Variants in KCNH4 observed in about 807,000 individuals in gnomAD.
KCNH4 encodes the protein potassium voltage-gated channel subfamily H member 4.
KCNH4 carries 33 observed loss-of-function variants against 90.7 expected under a neutral mutation model. The observed-to-expected ratio is 0.36, with a 90% confidence interval of 0.28 to 0.49. The LOEUF (loss-of-function observed/expected upper bound fraction) is 0.49. KCNH4 is among the 20% of genes least tolerant of loss of function. The pLI is 0.98. For missense variants in KCNH4, 1,044 were observed against 1,387.1 expected (o/e 0.75, Z 3.93); for synonymous variants, 551 against 581.7 (o/e 0.95, Z 0.76).
chr17:42,171,539 G>A lies in KCNH4; in HGVS notation c.1195+249C>T, dbSNP rs191291914. ...CCTCCACCCTCAGAGTGTTTCCTGC[G>A]TTGTACTTTGATCACTATCACTGGT... is the stretch of plus-strand genomic sequence containing the variant. On this transcript the variant is annotated intron_variant, in intron 7 of 16. Transcript: ENST00000264661. Among the ~76,000 whole-genome samples, 1,155 of 152,142 alleles carry A rather than the reference G, an allele frequency of 7.6e-3. 9 individuals carry two copies. The highest frequency in any genetic ancestry group is 7.9e-3 in the South Asian group (38 of 4,816).
intron 5 of KCNH4, 91 bp from the exon 6 acceptor site, chr17:42,175,827 G>A: frequency 6.7e-7 from 1 of 1,495,602 alleles, no homozygotes; most frequent in Non-Finnish European, 9.2e-7. Flanking sequence ...ACTGGAGGAG[G>A]AGGCAGGCAT....
chr17:42,176,368 A>AG, intron 4 of KCNH4, 71 bp from the exon 5 acceptor site: 1 of 1,153,900 alleles, frequency 8.7e-7, no homozygotes, highest in Middle Eastern at 2.4e-4. Context: ...TGGGAAAGGC[A>AG]GGGGATGGGG....
intron 7 of KCNH4, among the ~76,000 whole-genome samples, chr17:42,171,464 A>C (rs562476749): frequency 6.6e-6 from 1 of 152,098 alleles, no homozygotes; most frequent in South Asian, 2.1e-4. Context: ...AGAGATGCTA[A>C]GCTCTTTCTG....
Position 42,181,045 on chromosome 17 carries a change from C to T in KCNH4, c.-100G>A. On this transcript the variant is annotated 5_prime_UTR_variant, in exon 1 of 17. Transcript: ENST00000264661. ...GGAGGGGCCGGGGCGCCCCATGCGC[C>T]CTCCTGCCTCCTCCCCTCCCTCTTA... 1 of 956,622 alleles carries T rather than the reference C, an allele frequency of 1.0e-6. No individual in the cohort carries two copies. The allele number at this position is 956,622 out of a possible 1,614,324, so 59.3% of individuals were successfully genotyped here. A position where few individuals can be genotyped will look rare whatever the true frequency, so the allele number is the denominator to read the frequency against.
rs907729924 is a variant in KCNH4, at chr17:42,162,236, G to C, written c.2658+12C>G. On this transcript the variant is annotated intron_variant, in intron 15 of 16. Coordinates refer to ENST00000264661, the MANE Select transcript of KCNH4 (RefSeq NM_012285.3). ...TTATATCAGGCACGTCTCTGAGCCA[G>C]CCCCAACCCACCTCCTGGTTCAGCC... is the stretch of plus-strand genomic sequence containing the variant. 6.2e-7 allele frequency: 1 copy of C among 1,613,270 alleles called. No homozygotes were observed. Among genetic ancestry groups the C allele is most frequent in the Middle Eastern group, 1.7e-4 (1 of 6,060 alleles).
chr17:42,170,317 A>G lies in KCNH4; in HGVS notation c.1196-16T>C. On this transcript the variant is annotated splice_polypyrimidine_tract_variant and intron_variant, in intron 7 of 16. Transcript: ENST00000264661. ...TGCAACCAGCCTGCAGGGTGGACGG[A>G]TGCAGGGAGCCCTGGCTGTGCCAGC... 1 of 1,569,138 alleles carries G rather than the reference A, an allele frequency of 6.4e-7. No individual in the cohort carries two copies. The highest frequency in any genetic ancestry group is 8.6e-7 in the Non-Finnish European group (1 of 1,162,212).
chr17:42,177,126 C>T (rs552995311), intron 4 of KCNH4, among the ~76,000 whole-genome samples: 10 of 152,014 alleles, frequency 6.6e-5, no homozygotes, highest in African/African-American at 2.2e-4. Context: ...CTCGGCTCAC[C>T]GCAACCTCCA....
intron 15 of KCNH4, among the ~76,000 whole-genome samples, chr17:42,160,932 T>G (rs1320396185): frequency 7.2e-6 from 1 of 138,338 alleles, no homozygotes; most frequent in African/African-American, 2.7e-5. Flanking sequence ...TTTTTTTTTT[T>G]TTTTTTTTTT....
intron 6 of KCNH4, 67 bp downstream of exon 6, chr17:42,175,512 C>G: frequency 6.3e-7 from 1 of 1,583,196 alleles, no homozygotes; most frequent in Admixed American, 1.7e-5. Flanking sequence ...TGGGGTCAGT[C>G]CCTTCCTGGA....
chr17:42,164,930 A>G (rs2079776232), intron 11 of KCNH4, among the ~76,000 whole-genome samples: 1 of 152,090 alleles, frequency 6.6e-6, no homozygotes, highest in Admixed American at 6.5e-5. Context: ...ACATGGTGAA[A>G]CGCTATCTCT....
At chr17:42,161,253 G>A (rs974135642) in intron 15 of KCNH4, among the ~76,000 whole-genome samples, 4 of 152,198 alleles carry the variant, frequency 2.6e-5, no homozygotes, top group African/African-American at 9.7e-5. Context: ...ACAGATACTT[G>A]TTTGGGAACC....
At chr17:42,158,830 G>A (rs888001871) in intron 16 of KCNH4, among the ~76,000 whole-genome samples, 7 of 150,296 alleles carry the variant, frequency 4.7e-5, no homozygotes, top group African/African-American at 1.2e-4. Context: ...GTGAGACTCC[G>A]TCTATAAAAA....
Position 42,163,106 on chromosome 17 carries a change from GT to G in KCNH4, c.2584+121del. ...TACTCCAAGAGCGTGGGCCAGGTCT[GT>G]TTTATCTGTGTATTCCCAGGATGGC... On this transcript the variant is annotated intron_variant, in intron 14 of 16. Transcript: ENST00000264661. This position sits in a 1 kb window ranked among gnomAD's most constrained non-coding sequence, Gnocchi z 5.4. The G allele has an allele frequency of 1.4e-6, 1 of 733,922 alleles. No homozygotes were observed. The highest frequency in any genetic ancestry group is 2.5e-6 in the Non-Finnish European group (1 of 405,262). The allele number at this position is 733,922 out of a possible 1,614,324, so 45.5% of individuals were successfully genotyped here.
chr17:42,170,217 A>C lies in KCNH4; in HGVS notation c.1280T>G (p.Ile427Ser). 1.2e-6 allele frequency: 2 copies of C among 1,612,368 alleles called. No individual in the cohort carries two copies. The highest frequency in any genetic ancestry group is 1.7e-6 in the Non-Finnish European group (2 of 1,179,926). ...VGGPSRRSAY[I>S]AALYFTLSSL... ...GCTTAGAGTGAAGTACAGTGCCGCG[A>C]TGTAGGCGCTGCGCCGTGATGGGCC... is the stretch of plus-strand genomic sequence containing the variant. The change falls in exon 8 of 17, where the codon ATC becomes AGC. Residue 427 changes from isoleucine to serine, a missense_variant. Transcript: ENST00000264661.
chr17:42,171,911 T>C lies in KCNH4; in HGVS notation c.1072A>G (p.Ser358Gly). Residue 358 changes from serine (S) to glycine (G), a missense_variant, in exon 7 of 17, where the codon AGT (serine) becomes GGT (glycine). By Grantham distance (56) the Ser-to-Gly change is moderately conservative. This residue lies in a region of KCNH4 where 318 missense variants were observed against 479.6 expected (regional missense o/e 0.66). Transcript: ENST00000264661. The part of the protein sequence containing the change: ...LQKLERYSQC[S>G]AVVLTLLMSV... Reference sequence around the variant, plus strand: ...ATGAGCAGCGTGAGCACCACAGCACTGCACTGAGAGTACCGCTCCAGCTTC... The same window carrying C: ...ATGAGCAGCGTGAGCACCACAGCACCGCACTGAGAGTACCGCTCCAGCTTC... The C allele has an allele frequency of 6.2e-7, 1 of 1,613,992 alleles. No individual in the cohort carries two copies. Among genetic ancestry groups the C allele is most frequent in the Non-Finnish European group, 8.5e-7 (1 of 1,180,010 alleles).
chr17:42,173,459 C>A (rs891913714), intron 6 of KCNH4, among the ~76,000 whole-genome samples: 11 of 152,064 alleles, frequency 7.2e-5, no homozygotes, highest in Non-Finnish European at 4.4e-5. Context: ...TGCCCTTGGG[C>A]CACTCTCTTG....
At chr17:42,165,729 G>T in intron 10 of KCNH4, 36 bp from the exon 11 acceptor site, 1 of 1,612,188 alleles carries the variant, frequency 6.2e-7, no homozygotes, top group Non-Finnish European at 8.5e-7. Flanking sequence ...AGCTGGGGCA[G>T]TGAGAACGAA....
At chr17:42,176,538 T>TTTTTTTTTTTTG in intron 4 of KCNH4, among the ~76,000 whole-genome samples, 1 of 138,086 alleles carries the variant, frequency 7.2e-6, no homozygotes, top group African/African-American at 2.9e-5. Flanking sequence ...TTTTTTTTTT[T>TTTTTTTTTTTTG]TTTGAGATAG....
At chr17:42,179,140 GTTT>G in intron 1 of KCNH4, 114 bp from the exon 2 acceptor site, 1 of 695,612 alleles carries the variant, frequency 1.4e-6, no homozygotes. Flanking sequence ...AGCTTCCCAG[GTTT>G]CCATGTTGCT....
Sources: gnomAD v4.1 joint callset for allele counts (sites outside exome capture counted in the v4.1 genomes callset) on GRCh38, gnomAD v4.1.1 for gene constraint, gnomAD v4.1.1 regional missense constraint, Gnocchi (gnomAD v3.1) non-coding constraint, MANE v1.5 for transcripts, NCBI Gene and HGNC (gene_info 2026-07-23, HGNC 2026-07-21) for gene names.